Variants in GALNT17 observed in about 807,000 individuals in gnomAD.
The protein encoded by GALNT17 is polypeptide N-acetylgalactosaminyltransferase 17, also known as UDP-GalNAc:polypeptide N-acetylgalactosaminyltransferase-like 3.
In GALNT17, 29 loss-of-function variants were observed where a neutral mutation model predicts 63.7. The ratio of observed to expected loss-of-function variants is 0.46; its 90% CI spans 0.34 to 0.62. The LOEUF (loss-of-function observed/expected upper bound fraction) is 0.62, where lower values mean the gene tolerates loss of function less well. GALNT17 is among the 20% of genes least tolerant of loss of function. The pLI is 0.01. For missense variants in GALNT17, 603 were observed against 799.6 expected (o/e 0.75, Z 2.97); for synonymous variants, 305 against 318.3 (o/e 0.96, Z 0.45).
At chr7:71,402,708 A>G (rs1054538253) in intron 3 of GALNT17, among the ~76,000 whole-genome samples, 2 of 139,814 alleles carry the variant, frequency 1.4e-5, no homozygotes, top group Admixed American at 1.4e-4. Flanking sequence ...TTGGAGTGGA[A>G]GGTTATACCC....
intron 5 of GALNT17, among the ~76,000 whole-genome samples, chr7:71,536,002 G>T (rs2116792805): frequency 6.6e-6 from 1 of 152,288 alleles, no homozygotes; most frequent in African/African-American, 2.4e-5. Flanking sequence ...CATTATCAGA[G>T]CTTGTTTAGT....
At chr7:71,268,204 C>T (rs1790525131) in intron 1 of GALNT17, among the ~76,000 whole-genome samples, 2 of 151,920 alleles carry the variant, frequency 1.3e-5, no homozygotes, top group African/African-American at 4.8e-5. Context: ...AGGAGGGACT[C>T]CTCCCCAGGT....
chr7:71,502,493 C>T (rs1166296158), intron 5 of GALNT17, among the ~76,000 whole-genome samples: 16 of 152,170 alleles, frequency 1.1e-4, no homozygotes, highest in South Asian at 6.2e-4. Flanking sequence ...CTGAGCAATA[C>T]GGTGTGTGTA....
At chr7:71,220,630 A>G (rs1402950303) in intron 1 of GALNT17, among the ~76,000 whole-genome samples, 2 of 152,126 alleles carry the variant, frequency 1.3e-5, no homozygotes, top group African/African-American at 4.8e-5. Flanking sequence ...ACTTGGAGAT[A>G]GGGCTTTGAA....
intron 5 of GALNT17, among the ~76,000 whole-genome samples, chr7:71,448,314 A>G (rs1331331687): frequency 6.6e-6 from 1 of 151,974 alleles, no homozygotes; most frequent in African/African-American, 2.4e-5. Flanking sequence ...AGAACTTTCC[A>G]TTTGAAATGT....
chr7:71,374,785 G>A (rs140899825), intron 2 of GALNT17, among the ~76,000 whole-genome samples: 2 of 151,934 alleles, frequency 1.3e-5, no homozygotes, highest in African/African-American at 4.8e-5. Flanking sequence ...TGGAGGGGCT[G>A]GGGTATAGGA....
chr7:71,619,837 G>A (rs143684499), intron 6 of GALNT17, among the ~76,000 whole-genome samples: 82 of 152,252 alleles, frequency 5.4e-4, no homozygotes, highest in African/African-American at 1.9e-3. Context: ...TTGAATAGGA[G>A]TGGAGAGAGT....
At chr7:71,681,977 A>G (rs149276262) in intron 9 of GALNT17, among the ~76,000 whole-genome samples, 3,364 of 151,972 alleles carry the variant, frequency 0.022, 120 homozygotes, top group African/African-American at 0.075. Flanking sequence ...CCCAGGCTGG[A>G]GTGCAATGGC....
intron 1 of GALNT17, among the ~76,000 whole-genome samples, chr7:71,202,709 C>T (rs796890716): frequency 9.9e-5 from 15 of 152,238 alleles, no homozygotes; most frequent in Middle Eastern, 3.4e-3. Flanking sequence ...CTGTAGTCAC[C>T]GTGCTGTGAT....
chr7:71,319,059 T>C (rs1791552323), intron 1 of GALNT17, among the ~76,000 whole-genome samples: 1 of 149,372 alleles, frequency 6.7e-6, no homozygotes, highest in Admixed American at 6.7e-5. Context: ...TCCTAATGTC[T>C]GAACCACATC....
At chr7:71,279,517 T>C (rs1321086724) in intron 1 of GALNT17, among the ~76,000 whole-genome samples, 2 of 151,910 alleles carry the variant, frequency 1.3e-5, no homozygotes, top group African/African-American at 2.4e-5. Flanking sequence ...CCCCTCTTCT[T>C]ACAAAGACAG....
intron 1 of GALNT17, among the ~76,000 whole-genome samples, chr7:71,306,815 T>C (rs1002028313): frequency 1.4e-4 from 8 of 58,006 alleles, no homozygotes; most frequent in Admixed American, 4.4e-4. Context: ...CCTGTTTTCA[T>C]TTCTGTTTTG....
intron 6 of GALNT17, among the ~76,000 whole-genome samples, chr7:71,634,335 G>A (rs906926329): frequency 1.3e-5 from 2 of 152,220 alleles, no homozygotes; most frequent in Non-Finnish European, 2.9e-5. Flanking sequence ...ATTCTGAGCC[G>A]AATGTGAGTG....
chr7:71,494,656 A>T (rs916349101), intron 5 of GALNT17, among the ~76,000 whole-genome samples: 6 of 152,006 alleles, frequency 3.9e-5, no homozygotes, highest in African/African-American at 1.4e-4. Flanking sequence ...ACTGTGCCTC[A>T]CTTGTCAGCT....
chr7:71,647,584 A>C (rs1307726700), intron 6 of GALNT17, among the ~76,000 whole-genome samples: 1 of 152,152 alleles, frequency 6.6e-6, no homozygotes, highest in Non-Finnish European at 1.5e-5. Context: ...CAGGCCCTGG[A>C]AGCCCATGGC....
intron 5 of GALNT17, among the ~76,000 whole-genome samples, chr7:71,478,634 G>A (rs574321331): frequency 1.3e-5 from 2 of 152,156 alleles, no homozygotes; most frequent in African/African-American, 4.8e-5. Flanking sequence ...GCCTTTCCAA[G>A]ATCAAAGTAA....
chr7:71,667,483 ACTGTCTGC>A (rs1791002518), intron 7 of GALNT17, among the ~76,000 whole-genome samples: 1 of 152,202 alleles, frequency 6.6e-6, no homozygotes, highest in Non-Finnish European at 1.5e-5. Flanking sequence ...TGACATAAGA[ACTGTCTGC>A]CTCAGTTTCC....
chr7:71,319,122 C>CTTTCTTTCTTTCTTTCTTTCT (rs1241022535), intron 1 of GALNT17, among the ~76,000 whole-genome samples: 5 of 151,398 alleles, frequency 3.3e-5, no homozygotes, highest in Non-Finnish European at 7.4e-5. Context: ...TTCTTTCTTT[C>CTTTCTTTCTTTCTTTCTTTCT]TTTTTTTTGT....
chr7:71,455,299 G>A (rs1787334110), intron 5 of GALNT17, among the ~76,000 whole-genome samples: 1 of 152,118 alleles, frequency 6.6e-6, no homozygotes, highest in African/African-American at 2.4e-5. Flanking sequence ...TTGGCACCTA[G>A]GGTAGAAAGC....
Sources: gnomAD v4.1 joint callset for allele counts (sites outside exome capture counted in the v4.1 genomes callset) on GRCh38, gnomAD v4.1.1 for gene constraint, MANE v1.5 for transcripts, NCBI Gene and HGNC (gene_info 2026-07-23, HGNC 2026-07-21) for gene names.